The following FAT3 variants were observed in gnomAD, a reference collection of about 807,000 sequenced individuals.
FAT3 encodes the protein protocadherin Fat 3.
A neutral mutation model predicts 310.2 loss-of-function variants in FAT3; 95 were observed. That is an observed-to-expected ratio of 0.31 (90% CI 0.26 to 0.36). The LOEUF (loss-of-function observed/expected upper bound fraction) is 0.36. Ranked by LOEUF, FAT3 falls within the 10% of genes least tolerant of loss-of-function variation. The probability of loss-of-function intolerance (pLI) is 1.00; values close to 1 mark genes in which losing one functional copy is unlikely to be tolerated. For missense variants in FAT3, 5,408 were observed against 5,715.6 expected (o/e 0.95, Z 1.74); for synonymous variants, 2,314 against 2,192.9 (o/e 1.06, Z -1.54).
At chr11:92,512,302 G>A (rs1369247593) in intron 2 of FAT3, among the ~76,000 whole-genome samples, 1 of 151,626 alleles carries the variant, frequency 6.6e-6, no homozygotes, top group Non-Finnish European at 1.5e-5. Flanking sequence ...CTAGAATCAG[G>A]CACCACCTCA....
chr11:92,328,164 A>G (rs1284908752), intron 1 of FAT3, among the ~76,000 whole-genome samples: 2 of 151,856 alleles, frequency 1.3e-5, no homozygotes, highest in Non-Finnish European at 2.9e-5. Flanking sequence ...TGACTCCCAT[A>G]CCTTACCCAC....
intron 2 of FAT3, among the ~76,000 whole-genome samples, chr11:92,479,899 A>G (rs1952172168): frequency 6.6e-6 from 1 of 151,998 alleles, no homozygotes; most frequent in Non-Finnish European, 1.5e-5. Context: ...TGTGGGTGTC[A>G]TGTGGTCAGC....
intron 7 of FAT3, among the ~76,000 whole-genome samples, chr11:92,781,302 C>G (rs1315211655): frequency 6.6e-6 from 1 of 151,650 alleles, no homozygotes; most frequent in Non-Finnish European, 1.5e-5. Context: ...AGGCTGGTCT[C>G]AAACTCCTGA....
At chr11:92,464,076 A>G (rs1190819757) in intron 2 of FAT3, among the ~76,000 whole-genome samples, 1 of 152,186 alleles carries the variant, frequency 6.6e-6, no homozygotes, top group African/African-American at 2.4e-5. Context: ...ATCCAAAGAC[A>G]ATAGACACCT....
chr11:92,855,359 C>T (rs1948944582), intron 19 of FAT3, among the ~76,000 whole-genome samples: 1 of 152,156 alleles, frequency 6.6e-6, no homozygotes, highest in African/African-American at 2.4e-5. Flanking sequence ...TCCCAGGAGA[C>T]AGAATTTTTC....
intron 2 of FAT3, among the ~76,000 whole-genome samples, chr11:92,513,415 C>T (rs1304417186): frequency 6.6e-6 from 1 of 152,154 alleles, no homozygotes; most frequent in Non-Finnish European, 1.5e-5. Context: ...TATGATCTTG[C>T]TAGAGGCAGG....
At chr11:92,764,807 T>A in intron 5 of FAT3, 72 bp from the exon 6 acceptor site, 7 of 1,414,210 alleles carry the variant, frequency 4.9e-6, no homozygotes, top group East Asian at 2.3e-5. Flanking sequence ...CCCAGCAACA[T>A]GAGTGACAGA....
chr11:92,404,448 C>T (rs10501783), intron 2 of FAT3, among the ~76,000 whole-genome samples: 11,640 of 151,724 alleles, frequency 0.077, 655 homozygotes, highest in African/African-American at 0.15. Flanking sequence ...AGTAGCTAAT[C>T]CACCTTTGTC....
intron 1 of FAT3, among the ~76,000 whole-genome samples, chr11:92,333,736 T>G (rs1947981035): frequency 9.2e-6 from 1 of 108,552 alleles, no homozygotes; most frequent in Non-Finnish European, 2.1e-5. Context: ...TTAAAAGTAT[T>G]TTTTTTTTTC....
chr11:92,851,079 G>A (rs1377649571), intron 19 of FAT3, among the ~76,000 whole-genome samples: 4 of 152,182 alleles, frequency 2.6e-5, no homozygotes, highest in East Asian at 1.9e-4. Context: ...AGGTGGTGAT[G>A]GGGTCAACAC....
intron 3 of FAT3, among the ~76,000 whole-genome samples, chr11:92,559,219 A>G (rs1387828156): frequency 1.3e-5 from 2 of 152,070 alleles, no homozygotes. Flanking sequence ...TTTTAGATAT[A>G]TTCAGTTGTG....
chr11:92,399,638 C>T (rs1335168977), intron 2 of FAT3, among the ~76,000 whole-genome samples: 1 of 152,150 alleles, frequency 6.6e-6, no homozygotes, highest in Non-Finnish European at 1.5e-5. Context: ...ACAGAAATGC[C>T]TATTTTCCAT....
At chr11:92,299,901 T>C (rs1565210539) in intron 1 of FAT3, among the ~76,000 whole-genome samples, 1 of 152,110 alleles carries the variant, frequency 6.6e-6, no homozygotes, top group East Asian at 1.9e-4. Context: ...CCCCCATAGC[T>C]CCAGAAAGAA....
chr11:92,273,434 G>C (rs895853041), intron 1 of FAT3, among the ~76,000 whole-genome samples: 29 of 152,060 alleles, frequency 1.9e-4, no homozygotes, highest in African/African-American at 7.0e-4. Context: ...AAGATCTTGG[G>C]TATTTTAGGA....
intron 1 of FAT3, among the ~76,000 whole-genome samples, chr11:92,269,696 C>G (rs1396737965): frequency 6.6e-6 from 1 of 152,094 alleles, no homozygotes; most frequent in African/African-American, 2.4e-5. Context: ...TACCTTCTTT[C>G]TAATTTATTT....
intron 3 of FAT3, among the ~76,000 whole-genome samples, chr11:92,609,641 A>G (rs1169107088): frequency 6.6e-6 from 1 of 152,230 alleles, no homozygotes. Context: ...CTAAAGATCA[A>G]ATATGAAAGT....
intron 3 of FAT3, among the ~76,000 whole-genome samples, chr11:92,581,661 G>A (rs144466359): frequency 2.0e-5 from 3 of 151,784 alleles, no homozygotes; most frequent in African/African-American, 4.8e-5. Flanking sequence ...CCAAGGGGGG[G>A]GATTATGCCA....
intron 3 of FAT3, among the ~76,000 whole-genome samples, chr11:92,628,510 T>C (rs1941419801): frequency 1.3e-5 from 2 of 152,144 alleles, no homozygotes; most frequent in South Asian, 4.1e-4. Flanking sequence ...TCTTGAAACA[T>C]TAAACTAGGG....
chr11:92,589,861 A>G (rs553640362), intron 3 of FAT3, among the ~76,000 whole-genome samples: 4 of 152,208 alleles, frequency 2.6e-5, no homozygotes, highest in Non-Finnish European at 5.9e-5. Flanking sequence ...ACAGGAAATC[A>G]ATCTTGTACC....
Sources: allele counts gnomAD v4.1 joint callset (sites outside exome capture counted in the v4.1 genomes callset), GRCh38; gene constraint gnomAD v4.1.1; transcripts MANE v1.5; gene names NCBI Gene and HGNC (gene_info 2026-07-23, HGNC 2026-07-21).